Variants in TUSC3 observed in about 807,000 individuals in gnomAD.
TUSC3 encodes the protein dolichyl-diphosphooligosaccharide--protein glycosyltransferase subunit TUSC3.
Under a neutral mutation model 44.8 loss-of-function variants are expected in TUSC3, and 45 were observed. The ratio of observed to expected loss-of-function variants is 1.00; its 90% CI spans 0.79 to 1.29. The LOEUF is 1.29. Ranked by LOEUF, TUSC3 falls within the 50% of genes most tolerant of loss-of-function variation. The pLI is 0.00. For missense variants in TUSC3, 519 were observed against 437.9 expected, an observed-to-expected ratio of 1.19 and a Z score of -1.65; for synonymous variants, 212 against 152.9, an observed-to-expected ratio of 1.39 and a Z score of -2.85.
At chr8:15,509,351 G>T (rs530562801) in intron 2 of TUSC3, among the ~76,000 whole-genome samples, 2 of 152,332 alleles carry the variant, frequency 1.3e-5, no homozygotes, top group African/African-American at 4.8e-5. Flanking sequence ...GCTCATGCCT[G>T]TAATCCGAAC....
downstream of TUSC3, among the ~76,000 whole-genome samples, chr8:15,768,139 G>A (rs991396583): frequency 7.1e-6 from 1 of 140,846 alleles, no homozygotes; most frequent in Non-Finnish European, 1.5e-5. Context: ...AAAGTGGGGA[G>A]AGTATTTTTC....
intron 2 of TUSC3, among the ~76,000 whole-genome samples, chr8:15,500,059 G>A (rs1800938029): frequency 6.6e-6 from 1 of 152,052 alleles, no homozygotes; most frequent in Non-Finnish European, 1.5e-5. Context: ...TCAATTGTCT[G>A]GCCATCATCA....
intron 2 of TUSC3, among the ~76,000 whole-genome samples, chr8:15,634,402 A>C (rs929021965): frequency 1.3e-5 from 2 of 152,206 alleles, no homozygotes; most frequent in African/African-American, 4.8e-5. Flanking sequence ...TGCCACTAGC[A>C]GGCCATCCCT....
At chr8:15,679,924 A>G (rs992622511) in intron 6 of TUSC3, among the ~76,000 whole-genome samples, 3 of 151,928 alleles carry the variant, frequency 2.0e-5, no homozygotes, top group African/African-American at 4.8e-5. Flanking sequence ...TGGGTCGTCT[A>G]TTGTGTTCCA....
chr8:15,518,163 G>A (rs1801247838), intron 2 of TUSC3, among the ~76,000 whole-genome samples: 2 of 152,006 alleles, frequency 1.3e-5, no homozygotes, highest in Admixed American at 6.6e-5. Flanking sequence ...ATTTAGCACA[G>A]TTTTTGGGCT....
intron 6 of TUSC3, among the ~76,000 whole-genome samples, chr8:15,707,298 T>C (rs970787258): frequency 3.3e-5 from 5 of 152,018 alleles, no homozygotes; most frequent in African/African-American, 4.8e-5. Context: ...TGTTGGACTT[T>C]TGTTTCCTGT....
intron 5 of TUSC3, among the ~76,000 whole-genome samples, chr8:15,666,967 A>G (rs983224635): frequency 2.6e-5 from 4 of 151,586 alleles, no homozygotes; most frequent in African/African-American, 9.7e-5. Flanking sequence ...CAGTGGCCTC[A>G]AAAACTCAAA....
intron 2 of TUSC3, among the ~76,000 whole-genome samples, chr8:15,490,917 A>T (rs1800799958): frequency 6.6e-6 from 1 of 152,212 alleles, no homozygotes; most frequent in Non-Finnish European, 1.5e-5. Flanking sequence ...AAAGGAACAC[A>T]AAACTATCAG....
At chr8:15,567,245 G>A (rs958657788) in intron 1 of TUSC3, among the ~76,000 whole-genome samples, 1 of 152,122 alleles carries the variant, frequency 6.6e-6, no homozygotes, top group Non-Finnish European at 1.5e-5. Context: ...ATTATTTTCA[G>A]AAGAACACTG....
At chr8:15,538,991 A>T (rs1358095608), upstream of TUSC3, among the ~76,000 whole-genome samples, 2 of 151,348 alleles carry the variant, frequency 1.3e-5, no homozygotes, top group Non-Finnish European at 2.9e-5. Flanking sequence ...CTAGGACTAC[A>T]AGTACTCCCC....
At chr8:15,500,243 T>G (rs1348000448) in intron 2 of TUSC3, among the ~76,000 whole-genome samples, 1 of 152,238 alleles carries the variant, frequency 6.6e-6, no homozygotes, top group Admixed American at 6.5e-5. Flanking sequence ...CTGGGTATTC[T>G]ATCAAGAATC....
intron 1 of TUSC3, among the ~76,000 whole-genome samples, chr8:15,467,243 C>G (rs1180563794): frequency 7.1e-6 from 1 of 141,236 alleles, no homozygotes; most frequent in Non-Finnish European, 1.5e-5. Flanking sequence ...TATCTACTGT[C>G]ATTCAGTGGT....
At chr8:15,577,068 A>T (rs1324356933) in intron 1 of TUSC3, among the ~76,000 whole-genome samples, 15 of 139,780 alleles carry the variant, frequency 1.1e-4, no homozygotes, top group Admixed American at 2.2e-4. Flanking sequence ...GCCAGTGATG[A>T]TGAGCATTTT....
At chr8:15,622,281 C>T (rs74800834) in intron 1 of TUSC3, among the ~76,000 whole-genome samples, 1 of 151,810 alleles carries the variant, frequency 6.6e-6, no homozygotes, top group Non-Finnish European at 1.5e-5. Context: ...AAGATAAGAG[C>T]CTTTTTTTTT....
rs566928838 is a variant in TUSC3 at position 15,493,482 on chromosome 8, C to T, written n.189+9999C>T. On this transcript the variant is annotated intron_variant and non_coding_transcript_variant, in intron 2 of 5. Coordinates refer to the TUSC3 transcript ENST00000503191. ...CTTGCTATGTTGCCCAAGCCGGTCT[C>T]GAACTCCTGGCCTTAAGCGATCCTC... Among the ~76,000 whole-genome samples, 9 of 152,208 alleles carry T rather than the reference C, an allele frequency of 5.9e-5. No homozygotes were observed. The South Asian group carries it at 6.2e-4, about 11-fold the overall frequency.
intron 1 of TUSC3, among the ~76,000 whole-genome samples, chr8:15,459,297 A>G (rs1391290462): frequency 6.6e-6 from 1 of 152,144 alleles, no homozygotes; most frequent in African/African-American, 2.4e-5. Context: ...TAAAGTGACA[A>G]TAGAAGTTGT....
intron 1 of TUSC3, among the ~76,000 whole-genome samples, chr8:15,587,035 C>T (rs1311811283): frequency 6.6e-6 from 1 of 152,106 alleles, no homozygotes; most frequent in African/African-American, 2.4e-5. Context: ...TGTTAATAGC[C>T]AGTTTTTCTT....
At chr8:15,832,731 C>G in the TUSC3 span, among the ~76,000 whole-genome samples, 35 of 152,238 alleles carry the variant, frequency 2.3e-4, no homozygotes, top group African/African-American at 8.2e-4. Context: ...CAAGACCTAA[C>G]TATACTAAAT....
At chr8:15,671,472 A>G (rs995010594) in intron 5 of TUSC3, among the ~76,000 whole-genome samples, 1 of 152,026 alleles carries the variant, frequency 6.6e-6, no homozygotes, top group Non-Finnish European at 1.5e-5. Context: ...GCTATTTTGC[A>G]TTTTAGAAGT....
Sources: allele counts gnomAD v4.1 joint callset (sites outside exome capture counted in the v4.1 genomes callset), GRCh38; gene constraint gnomAD v4.1.1; transcripts MANE v1.5; gene names NCBI Gene and HGNC (gene_info 2026-07-23, HGNC 2026-07-21).